ZEB1: variants seen among roughly 807,000 people sequenced by gnomAD.
ZEB1 encodes the protein zinc finger E-box-binding homeobox 1.
ZEB1 carries 21 observed loss-of-function variants against 84.9 expected under a neutral mutation model. The ratio of observed to expected loss-of-function variants is 0.25; its 90% CI spans 0.18 to 0.36. ZEB1 has a LOEUF of 0.36. ZEB1 is among the 10% of genes least tolerant of loss of function. ZEB1 has a pLI of 1.00. For missense variants in ZEB1, 1,104 were observed against 1,330.2 expected (o/e 0.83, Z 2.65); for synonymous variants, 420 against 471.1 (o/e 0.89, Z 1.41).
At chr10:31,378,070 TATATA>T (rs2046980533) in intron 1 of ZEB1, among the ~76,000 whole-genome samples, 1 of 149,852 alleles carries the variant, frequency 6.7e-6, no homozygotes, top group African/African-American at 2.4e-5. Flanking sequence ...TAAATATCCA[TATATA>T]ATATATACAT....
At chr10:31,446,713 T>C (rs907327371) in intron 1 of ZEB1, among the ~76,000 whole-genome samples, 4 of 152,164 alleles carry the variant, frequency 2.6e-5, no homozygotes, top group African/African-American at 7.2e-5. Flanking sequence ...TTCCATGTAG[T>C]TGAGCAGCTT....
At chr10:31,429,120 T>C (rs1206636418) in intron 1 of ZEB1, among the ~76,000 whole-genome samples, 1 of 152,226 alleles carries the variant, frequency 6.6e-6, no homozygotes. Flanking sequence ...GTTAGCTAGT[T>C]ACTTTGCAGA....
chr10:31,505,250 T>A lies in ZEB1; in HGVS notation c.484+2741T>A, dbSNP rs220056. ...GGGATATTGACCTGGATAGTTTTCC[T>A]TTTTTTGTTTCATCTTTCTCTGGTT... On this transcript the variant is annotated intron_variant, in intron 4 of 8. Transcript: ENST00000424869. Among the ~76,000 whole-genome samples the A allele has an allele frequency of 1.7e-3, 253 of 152,022 alleles. 9 individuals carry two copies. In the South Asian group the frequency reaches 0.05, roughly 30 times the overall value.
At chr10:31,485,587 C>T (rs531050365) in intron 2 of ZEB1, among the ~76,000 whole-genome samples, 1 of 151,768 alleles carries the variant, frequency 6.6e-6, no homozygotes, top group African/African-American at 2.4e-5. Context: ...TAACTGAGAC[C>T]AAAACATTAA....
chr10:31,412,377 T>A (rs2054465911), intron 1 of ZEB1, among the ~76,000 whole-genome samples: 1 of 152,210 alleles, frequency 6.6e-6, no homozygotes, highest in African/African-American at 2.4e-5. Flanking sequence ...ATCATTTACA[T>A]TAGGTATATC....
chr10:31,511,417 G>T (rs1379325114), intron 5 of ZEB1, among the ~76,000 whole-genome samples: 1 of 151,852 alleles, frequency 6.6e-6, no homozygotes, highest in East Asian at 1.9e-4. Context: ...TTTTTATATG[G>T]TTTATTCTAC....
At chr10:31,464,667 A>C (rs2062182289) in intron 2 of ZEB1, among the ~76,000 whole-genome samples, 1 of 152,220 alleles carries the variant, frequency 6.6e-6, no homozygotes, top group African/African-American at 2.4e-5. Flanking sequence ...CAGACTCCAT[A>C]AGACTGTAGG....
chr10:31,363,599 C>T (rs1350008232), intron 1 of ZEB1: 1 of 1,518,894 alleles, frequency 6.6e-7, no homozygotes, highest in African/African-American at 1.4e-5. Flanking sequence ...TCTGCGCTCA[C>T]CTCCGTCTTC....
chr10:31,367,095 G>A (rs961112319), intron 1 of ZEB1, among the ~76,000 whole-genome samples: 4 of 152,222 alleles, frequency 2.6e-5, no homozygotes, highest in Middle Eastern at 3.4e-3. Flanking sequence ...ATCTACTCTT[G>A]AGTAGTAGGG....
chr10:31,468,877 G>A (rs1294038681), intron 2 of ZEB1, among the ~76,000 whole-genome samples: 1 of 152,012 alleles, frequency 6.6e-6, no homozygotes, highest in East Asian at 1.9e-4. Context: ...GAAATAGAAT[G>A]TTGTGACACC....
At chr10:31,397,449 G>A (rs76316329) in intron 1 of ZEB1, among the ~76,000 whole-genome samples, 2,321 of 151,952 alleles carry the variant, frequency 0.015, 35 homozygotes, top group Non-Finnish European at 0.021. Context: ...GATACAGAAT[G>A]TTTCTGAATA....
intron 1 of ZEB1, among the ~76,000 whole-genome samples, chr10:31,407,339 T>C (rs1183055835): frequency 1.4e-5 from 2 of 146,894 alleles, no homozygotes; most frequent in East Asian, 4.1e-4. Flanking sequence ...AGTGAGAACA[T>C]GCGGTGTTTG....
At chr10:31,516,003 CAT>C (rs1158057926) in intron 6 of ZEB1, among the ~76,000 whole-genome samples, 1 of 151,946 alleles carries the variant, frequency 6.6e-6, no homozygotes, top group Non-Finnish European at 1.5e-5. Flanking sequence ...TATAATGAGT[CAT>C]ATTCATTTTG....
intron 1 of ZEB1, among the ~76,000 whole-genome samples, chr10:31,418,713 T>A (rs2055637945): frequency 1.3e-5 from 2 of 152,104 alleles, no homozygotes; most frequent in Admixed American, 1.3e-4. Context: ...GGCTTTGTGT[T>A]CTGACTGGTA....
chr10:31,458,401 A>G (rs2137342982), intron 1 of ZEB1, among the ~76,000 whole-genome samples: 1 of 151,298 alleles, frequency 6.6e-6, no homozygotes, highest in East Asian at 2.0e-4. Flanking sequence ...GCCCATCAGG[A>G]AACTCTTACA....
chr10:31,472,735 G>A (rs1216008993), intron 2 of ZEB1, among the ~76,000 whole-genome samples: 2 of 139,002 alleles, frequency 1.4e-5, no homozygotes, highest in Non-Finnish European at 3.0e-5. Context: ...TGATACCAAA[G>A]CCTGGCAGAG....
At chr10:31,496,862 T>A (rs2067313772) in intron 3 of ZEB1, among the ~76,000 whole-genome samples, 1 of 152,122 alleles carries the variant, frequency 6.6e-6, no homozygotes, top group Non-Finnish European at 1.5e-5. Flanking sequence ...ATTAGATTTT[T>A]ATCTGTAATA....
intron 2 of ZEB1, among the ~76,000 whole-genome samples, chr10:31,464,955 T>C (rs1464380776): frequency 6.6e-6 from 1 of 152,036 alleles, no homozygotes; most frequent in Non-Finnish European, 1.5e-5. Context: ...GTAAAGAAGT[T>C]CCAAACTATA....
chr10:31,473,615 G>T (rs1407288798), intron 2 of ZEB1, among the ~76,000 whole-genome samples: 1 of 149,332 alleles, frequency 6.7e-6, no homozygotes, highest in African/African-American at 2.5e-5. Context: ...AATCAATATC[G>T]TGAAAATGGC....
Sources: allele counts gnomAD v4.1 joint callset (sites outside exome capture counted in the v4.1 genomes callset), GRCh38; gene constraint gnomAD v4.1.1; transcripts MANE v1.5; gene names NCBI Gene and HGNC (gene_info 2026-07-23, HGNC 2026-07-21).